FNIP2: variants seen among roughly 807,000 people sequenced by gnomAD.
FNIP2 encodes folliculin interacting protein 2.
A neutral mutation model predicts 108.7 loss-of-function variants in FNIP2; 32 were observed. That is an observed-to-expected ratio of 0.29 (90% CI 0.22 to 0.40). The LOEUF (loss-of-function observed/expected upper bound fraction) is 0.40. Ranked by LOEUF, FNIP2 falls within the 10% of genes least tolerant of loss-of-function variation. FNIP2 has a pLI of 1.00. For synonymous variants in FNIP2, 480 were observed against 496.7 expected (o/e 0.97, Z 0.45); for missense variants, 1,202 against 1,381.6 (o/e 0.87, Z 2.06).
At chr4:158,774,579 T>C (rs999693547) in intron 1 of FNIP2, among the ~76,000 whole-genome samples, 1 of 152,232 alleles carries the variant, frequency 6.6e-6, no homozygotes. Context: ...TGAGGTTTAA[T>C]GTATTTAAAA....
chr4:158,842,403 C>T (rs1269821546), intron 7 of FNIP2, among the ~76,000 whole-genome samples: 1 of 152,138 alleles, frequency 6.6e-6, no homozygotes, highest in Non-Finnish European at 1.5e-5. Context: ...TTTAGTGTAA[C>T]TTGAATTAAA....
chr4:158,789,592 A>G (rs1018941372), intron 1 of FNIP2, among the ~76,000 whole-genome samples: 6 of 152,214 alleles, frequency 3.9e-5, no homozygotes, highest in East Asian at 1.9e-4. Flanking sequence ...GACATTTTCC[A>G]TATTCTAGGT....
chr4:158,824,549 T>C (rs1389827995), intron 1 of FNIP2, among the ~76,000 whole-genome samples: 1 of 152,170 alleles, frequency 6.6e-6, no homozygotes, highest in Non-Finnish European at 1.5e-5. Context: ...CCTCTGCTGC[T>C]GGAGCTCTAG....
intron 1 of FNIP2, among the ~76,000 whole-genome samples, chr4:158,786,911 G>A (rs1776242214): frequency 6.6e-6 from 1 of 152,054 alleles, no homozygotes; most frequent in Non-Finnish European, 1.5e-5. Context: ...TTCTTAGCAG[G>A]GGTGGGGATA....
intron 14 of FNIP2, among the ~76,000 whole-genome samples, chr4:158,870,678 A>G (rs1780891526): frequency 6.6e-6 from 1 of 152,234 alleles, no homozygotes; most frequent in South Asian, 2.1e-4. Flanking sequence ...CTGACAGAGT[A>G]AGGGGAGGGT....
chr4:158,865,452 C>T (rs1780525964), intron 12 of FNIP2, among the ~76,000 whole-genome samples: 1 of 152,112 alleles, frequency 6.6e-6, no homozygotes, highest in Non-Finnish European at 1.5e-5. Context: ...TCACATTGCA[C>T]TCATTATTTT....
chr4:158,870,238 T>TG, intron 13 of FNIP2, 75 bp from the exon 14 acceptor site: 1 of 1,478,302 alleles, frequency 6.8e-7, no homozygotes, highest in Non-Finnish European at 9.3e-7. Flanking sequence ...ATCATTGGAG[T>TG]GCTTGTACCA....
chr4:158,770,396 A>G (rs866918993), intron 1 of FNIP2, among the ~76,000 whole-genome samples: 20 of 152,332 alleles, frequency 1.3e-4, no homozygotes, highest in South Asian at 6.2e-4. Context: ...AAAACAGTTC[A>G]CTGTTAAACA....
intron 1 of FNIP2, among the ~76,000 whole-genome samples, chr4:158,824,711 G>T (rs1778059421): frequency 1.3e-5 from 2 of 152,082 alleles, no homozygotes; most frequent in African/African-American, 2.4e-5. Context: ...GTTTTCCTTG[G>T]CTTCTCATGG....
In FNIP2 at chr4:158,859,560, G is replaced by GCTTT; in HGVS notation, c.1060-15_1060-12dup. 6.2e-7 allele frequency: 1 copy of GCTTT among 1,602,372 alleles called. No individual in the cohort carries two copies. Among genetic ancestry groups the GCTTT allele is most frequent in the Non-Finnish European group, 8.5e-7 (1 of 1,172,072 alleles). ...AAATTTCTTCTCAGTAATTTGACTT[G>GCTTT]CTTTCTCTTCAATAAAGGCTATGAT... On this transcript the variant is annotated splice_polypyrimidine_tract_variant and intron_variant, in intron 9 of 16. Coordinates refer to ENST00000264433, the MANE Select transcript of FNIP2 (RefSeq NM_020840.3).
At chr4:158,898,386 G>A (rs1782885412) in intron 16 of FNIP2, among the ~76,000 whole-genome samples, 1 of 152,040 alleles carries the variant, frequency 6.6e-6, no homozygotes, top group South Asian at 2.1e-4. Context: ...ACATCCATGG[G>A]AGCTTGATGG....
intron 12 of FNIP2, 115 bp from the exon 13 acceptor site, chr4:158,867,987 G>A: frequency 7.2e-7 from 1 of 1,391,278 alleles, no homozygotes; most frequent in Non-Finnish European, 9.8e-7. Context: ...TGAGTCTGAA[G>A]CAGGGACTCC....
intron 16 of FNIP2, 35 bp downstream of exon 16, chr4:158,895,900 G>GAT (rs1289251863): frequency 6.9e-7 from 1 of 1,454,542 alleles, no homozygotes; most frequent in Non-Finnish European, 9.6e-7. Context: ...TTGTCCCTTT[G>GAT]ATAGGTATCC....
chr4:158,784,969 C>G (rs4538434), intron 1 of FNIP2, among the ~76,000 whole-genome samples: 44,429 of 152,026 alleles, frequency 0.29, 7,223 homozygotes, highest in Non-Finnish European at 0.38. Flanking sequence ...TAGCATAATA[C>G]TAAGTACAGT....
intron 12 of FNIP2, among the ~76,000 whole-genome samples, chr4:158,862,230 C>T (rs1780338798): frequency 6.6e-6 from 1 of 152,042 alleles, no homozygotes; most frequent in Non-Finnish European, 1.5e-5. Flanking sequence ...AAAATATCCA[C>T]AGAAAAGCAC....
chr4:158,863,026 T>C (rs1474929944), intron 12 of FNIP2, among the ~76,000 whole-genome samples: 1 of 152,226 alleles, frequency 6.6e-6, no homozygotes, highest in Admixed American at 6.5e-5. Context: ...GAAGAGTTTT[T>C]TCCTGTGGGT....
In FNIP2 at chr4:158,781,872, A is replaced by G. The variant is rs542043959; in HGVS notation, c.107+12553A>G. ...CTCTCCCACTTACAATGTGGGGCAC[A>G]TTATTCTCTCTAAATGAGTTTTTTT... On this transcript the variant is annotated intron_variant, in intron 1 of 16. Coordinates refer to ENST00000264433, the MANE Select transcript of FNIP2 (RefSeq NM_020840.3). Among the ~76,000 whole-genome samples, 4 of 152,026 alleles carry G rather than the reference A, an allele frequency of 2.6e-5. No homozygotes were observed. The East Asian group carries it at 7.7e-4, about 29-fold the overall frequency.
At chr4:158,812,762 A>G (rs1184027998) in intron 1 of FNIP2, among the ~76,000 whole-genome samples, 2 of 151,630 alleles carry the variant, frequency 1.3e-5, no homozygotes, top group Non-Finnish European at 2.9e-5. Flanking sequence ...CAAAGTCCAT[A>G]GTTTGCATTA....
At chr4:158,798,457 C>T (rs1168062655) in intron 1 of FNIP2, among the ~76,000 whole-genome samples, 2 of 152,186 alleles carry the variant, frequency 1.3e-5, no homozygotes, top group African/African-American at 4.8e-5. Flanking sequence ...TTCCCTATTG[C>T]TTACCCTTCC....
Sources: gnomAD v4.1 joint callset for allele counts (sites outside exome capture counted in the v4.1 genomes callset) on GRCh38, gnomAD v4.1.1 for gene constraint, MANE v1.5 for transcripts, NCBI Gene and HGNC (gene_info 2026-07-23, HGNC 2026-07-21) for gene names.